MOB3B: variants seen among roughly 807,000 people sequenced by gnomAD.
The protein encoded by MOB3B is MOB kinase activator 3B, also known as MOB kinase activator-like 2B.
In MOB3B, 7 loss-of-function variants were observed where a neutral mutation model predicts 18.7. The observed-to-expected ratio is 0.37, with a 90% CI of 0.21 to 0.70. The LOEUF (loss-of-function observed/expected upper bound fraction) is 0.70. Ranked by LOEUF, MOB3B falls within the 30% of genes least tolerant of loss-of-function variation. MOB3B has a pLI of 0.52. For synonymous variants in MOB3B, 111 were observed against 99.9 expected (o/e 1.11, Z -0.66); for missense variants, 253 against 281.3 (o/e 0.90, Z 0.72).
At chr9:27,420,514 C>CTG (rs1267974512) in intron 2 of MOB3B, among the ~76,000 whole-genome samples, 12 of 122,558 alleles carry the variant, frequency 9.8e-5, no homozygotes, top group African/African-American at 3.9e-4. Context: ...TATATTCCAT[C>CTG]TATATTCCAT....
Position 27,395,024 on chromosome 9 carries a change from A to G in MOB3B, c.419-35788T>C, listed in dbSNP as rs561047347. Among the ~76,000 whole-genome samples the G allele has an allele frequency of 2.0e-5, 3 of 152,336 alleles. No homozygotes were observed. In the South Asian group the frequency reaches 6.2e-4, roughly 32 times the overall value. On this transcript the variant is annotated intron_variant, in intron 2 of 3. Transcript: ENST00000262244. ...CTGATGAGAGGTCCAGGCACAGAAG[A>G]GACAATAACATTCTTATCTTGGCTT... is the stretch of plus-strand genomic sequence containing the variant.
At chr9:27,510,195 A>G (rs953629872) in intron 1 of MOB3B, among the ~76,000 whole-genome samples, 1 of 152,260 alleles carries the variant, frequency 6.6e-6, no homozygotes, top group Non-Finnish European at 1.5e-5. Context: ...GGAAGACAAC[A>G]AAAATAAAGA....
intron 2 of MOB3B, among the ~76,000 whole-genome samples, chr9:27,405,397 C>A (rs10967927): frequency 6.6e-6 from 1 of 151,804 alleles, no homozygotes; most frequent in Non-Finnish European, 1.5e-5. Context: ...TGAGCCACCA[C>A]GCCCAACCTG....
chr9:27,439,015 A>G (rs1368185651), intron 2 of MOB3B, among the ~76,000 whole-genome samples: 5 of 152,152 alleles, frequency 3.3e-5, no homozygotes, highest in Admixed American at 6.5e-5. Flanking sequence ...ATGGGAGAAA[A>G]ACACAACAGC....
chr9:27,478,121 G>A (rs1178935432), intron 1 of MOB3B, among the ~76,000 whole-genome samples: 1 of 152,162 alleles, frequency 6.6e-6, no homozygotes, highest in Non-Finnish European at 1.5e-5. Context: ...AATTTACATT[G>A]TTTAGGCTGT....
intron 2 of MOB3B, among the ~76,000 whole-genome samples, chr9:27,419,052 G>C (rs974964028): frequency 5.2e-5 from 6 of 115,346 alleles, no homozygotes; most frequent in Non-Finnish European, 1.1e-4. Context: ...CCCCTTTTAC[G>C]ATAGCTGCAA....
rs950019385 is a variant in MOB3B at position 27,329,186 on chromosome 9, T to C, written c.*1401A>G. Reference sequence around the variant, plus strand: ...TTTAAAATACACTAATACATTCTTATCTACTTCCCTCCACCGACAAATATT... The same window carrying C: ...TTTAAAATACACTAATACATTCTTACCTACTTCCCTCCACCGACAAATATT... On this transcript the variant is annotated 3_prime_UTR_variant, in exon 4 of 4. Transcript: ENST00000262244. 2 of 152,210 alleles carry C rather than the reference T, an allele frequency of 1.3e-5. No homozygotes were observed. The highest frequency in any genetic ancestry group is 1.9e-4 in the East Asian group (1 of 5,196). The allele number at this position is 152,210 out of a possible 1,614,324, so 9.4% of individuals were successfully genotyped here. A position where few individuals can be genotyped will look rare whatever the true frequency, so the allele number is the denominator to read the frequency against.
At chr9:27,502,946 C>T (rs1305505548) in intron 1 of MOB3B, among the ~76,000 whole-genome samples, 3 of 152,298 alleles carry the variant, frequency 2.0e-5, no homozygotes, top group South Asian at 2.1e-4. Flanking sequence ...CTGTTCATCT[C>T]CCTGCTGAAT....
chr9:27,382,596 G>A (rs1470379616), intron 2 of MOB3B, among the ~76,000 whole-genome samples: 1 of 152,094 alleles, frequency 6.6e-6, no homozygotes, highest in Non-Finnish European at 1.5e-5. Context: ...TCCTACCTAG[G>A]CTGAGAAAAG....
At chr9:27,382,819 G>T (rs1469432716) in intron 2 of MOB3B, among the ~76,000 whole-genome samples, 1 of 151,944 alleles carries the variant, frequency 6.6e-6, no homozygotes, top group Non-Finnish European at 1.5e-5. Flanking sequence ...AACTGCCAGT[G>T]CTTCCCTCTC....
chr9:27,469,583 A>T (rs540911026), intron 1 of MOB3B, among the ~76,000 whole-genome samples: 1 of 152,334 alleles, frequency 6.6e-6, no homozygotes, highest in South Asian at 2.1e-4. Context: ...AACATCAGTT[A>T]ATTCAATAGA....
At chr9:27,505,533 A>G (rs1028086277) in intron 1 of MOB3B, among the ~76,000 whole-genome samples, 1 of 152,238 alleles carries the variant, frequency 6.6e-6, no homozygotes, top group African/African-American at 2.4e-5. Flanking sequence ...CTTAACTCTG[A>G]GTTTTCTAAA....
intron 2 of MOB3B, among the ~76,000 whole-genome samples, chr9:27,396,096 T>C (rs1024292883): frequency 3.3e-5 from 5 of 151,854 alleles, no homozygotes; most frequent in Non-Finnish European, 5.9e-5. Flanking sequence ...CAAGAATAAA[T>C]GAATTTGGTT....
intron 2 of MOB3B, among the ~76,000 whole-genome samples, chr9:27,377,957 G>C (rs1477792828): frequency 6.6e-6 from 1 of 152,170 alleles, no homozygotes; most frequent in East Asian, 1.9e-4. Context: ...CAGGTAGTGG[G>C]GTAAGAAATC....
At position 27,419,545 on chromosome 9, in the gene MOB3B, A is replaced by C. The variant is rs552179629; in HGVS notation, c.418+35588T>G. On this transcript the variant is annotated intron_variant, in intron 2 of 3. Coordinates refer to ENST00000262244, the MANE Select transcript of MOB3B (RefSeq NM_024761.5). ...TCTTCAACAAAGCAAACAGAAACAT[A>C]AAGTGGGGAAAGGACACCCTTTTCA... Among the ~76,000 whole-genome samples, 667 of 152,310 alleles carry C rather than the reference A, an allele frequency of 4.4e-3. 4 individuals are homozygous for C. Among genetic ancestry groups the C allele is most frequent in the Non-Finnish European group, 7.0e-3 (473 of 68,012 alleles).
chr9:27,496,957 G>A (rs1185471272), intron 1 of MOB3B, among the ~76,000 whole-genome samples: 1 of 152,172 alleles, frequency 6.6e-6, no homozygotes, highest in Non-Finnish European at 1.5e-5. Context: ...TAAAACGATG[G>A]TTAATATGGC....
intron 2 of MOB3B, among the ~76,000 whole-genome samples, chr9:27,401,033 CGGAAGGCAACAGG>C (rs1313304523): frequency 7.9e-5 from 12 of 152,164 alleles, no homozygotes; most frequent in Admixed American, 7.9e-4. Flanking sequence ...GTTCAAGCTA[CGGAAGGCAACAGG>C]GGCTTTACAG....
intron 2 of MOB3B, among the ~76,000 whole-genome samples, chr9:27,373,480 G>C (rs1390378056): frequency 6.6e-6 from 1 of 152,206 alleles, no homozygotes; most frequent in Non-Finnish European, 1.5e-5. Flanking sequence ...TTATACCTAA[G>C]TTTCCAGCAC....
At chr9:27,364,197 C>G (rs1007910938) in intron 2 of MOB3B, among the ~76,000 whole-genome samples, 1 of 152,192 alleles carries the variant, frequency 6.6e-6, no homozygotes, top group East Asian at 1.9e-4. Flanking sequence ...CATCCTGGAC[C>G]TGGGGAGCTG....
Sources: allele counts gnomAD v4.1 joint callset (sites outside exome capture counted in the v4.1 genomes callset), GRCh38; gene constraint gnomAD v4.1.1; transcripts MANE v1.5; gene names NCBI Gene and HGNC (gene_info 2026-07-23, HGNC 2026-07-21).